Variants in LCP1 observed in about 807,000 individuals in gnomAD.
The protein encoded by LCP1 is lymphocyte cytosolic protein 1.
LCP1 carries 23 observed loss-of-function variants against 72.0 expected under a neutral mutation model. That is an observed-to-expected ratio of 0.32 (90% CI 0.23 to 0.45). The LOEUF (loss-of-function observed/expected upper bound fraction) is 0.45, where lower values mean the gene tolerates loss of function less well. Among genes scored for constraint, LCP1 ranks in the 20% least tolerant of loss-of-function variants. LCP1 has a pLI of 1.00. For missense variants in LCP1, 571 were observed against 748.3 expected, an observed-to-expected ratio of 0.76 and a Z score of 2.76; for synonymous variants, 245 against 275.4, an observed-to-expected ratio of 0.89 and a Z score of 1.09.
intron 7 of LCP1, 96 bp from the exon 8 acceptor site, chr13:46,151,174 G>T: frequency 8.1e-7 from 1 of 1,237,468 alleles, no homozygotes. Context: ...AAAAGCTAAA[G>T]ATAACAACGT....
intron 8 of LCP1, 108 bp from the exon 9 acceptor site, chr13:46,148,555 T>C: frequency 1.4e-6 from 1 of 707,304 alleles, no homozygotes; most frequent in Non-Finnish European, 2.3e-6. Flanking sequence ...TCAGCTATCA[T>C]TCCAGAATGT....
At chr13:46,180,133 G>A (rs990226640) in intron 1 of LCP1, among the ~76,000 whole-genome samples, 1 of 152,100 alleles carries the variant, frequency 6.6e-6, no homozygotes, top group African/African-American at 2.4e-5. Flanking sequence ...AACACACACA[G>A]TCAGTAGGAG....
intron 15 of LCP1, among the ~76,000 whole-genome samples, chr13:46,129,282 T>A (rs1001823862): frequency 6.6e-6 from 1 of 152,168 alleles, no homozygotes; most frequent in African/African-American, 2.4e-5. Flanking sequence ...GGACTTTGAA[T>A]CTCAGCTGCA....
intron 10 of LCP1, among the ~76,000 whole-genome samples, chr13:46,145,332 C>T (rs1007875105): frequency 1.3e-5 from 2 of 152,140 alleles, no homozygotes; most frequent in African/African-American, 4.8e-5. Context: ...GAATTAAACA[C>T]GGCAGAGGAC....
At chr13:46,168,642 G>C (rs1460557341) in intron 1 of LCP1, 5 of 152,200 alleles carry the variant, frequency 3.3e-5, no homozygotes, top group Non-Finnish European at 4.4e-5. Flanking sequence ...CGTTGATCCA[G>C]TTCACTCCTA....
chr13:46,168,966 T>G (rs1360482007), intron 1 of LCP1, among the ~76,000 whole-genome samples: 5 of 152,210 alleles, frequency 3.3e-5, no homozygotes, highest in African/African-American at 1.2e-4. Flanking sequence ...GCCAACTTCC[T>G]TATAGAATGA....
Position 46,159,105 on chromosome 13 carries a change from A to C in LCP1, c.65-116T>G, listed in dbSNP as rs9534343. The C allele has an allele frequency of 1.3e-3, 1,167 of 892,384 alleles. 3 individuals carry two copies. The highest frequency in any genetic ancestry group is 3.0e-3 in the Admixed American group (152 of 51,074). The allele number at this position is 892,384 out of a possible 1,614,324, so 55.3% of individuals were successfully genotyped here. A position where few individuals can be genotyped will look rare whatever the true frequency, so the allele number is the denominator to read the frequency against. ...CGAGAGAGGCTATCATTCAGACATT[A>C]AGGCATGATCCCAGGGAAGAGTCAG... On this transcript the variant is annotated intron_variant, in intron 2 of 15. Coordinates refer to ENST00000323076, the MANE Select transcript of LCP1 (RefSeq NM_002298.5).
rs754053061 is a variant in LCP1, at chr13:46,130,868, T to G, written c.1697A>C (p.Tyr566Ser). ...CAGATTTTCTGTCTTCAGAAGGTCA[T>G]AGTTAATGGAACCTGGTTGGATGGC... Reference protein sequence around the residue: ...IDAIQPGSINYDLLKTENLND... With the variant: ...IDAIQPGSINSDLLKTENLND... The change falls in exon 15 of 16, where the codon TAT becomes TCT. Residue 566 changes from tyrosine (Y) to serine (S), a missense_variant. Coordinates refer to ENST00000323076, the MANE Select transcript of LCP1 (RefSeq NM_002298.5). 3 of 1,613,536 alleles carry G rather than the reference T, an allele frequency of 1.9e-6. No individual in the cohort carries two copies. The highest frequency in any genetic ancestry group is 1.3e-5 in the African/African-American group (1 of 74,894).
intron 1 of LCP1, among the ~76,000 whole-genome samples, chr13:46,163,889 G>A (rs142513273): frequency 6.6e-6 from 1 of 152,314 alleles, no homozygotes; most frequent in East Asian, 1.9e-4. Flanking sequence ...ACATATGCAT[G>A]AATAGAAGGC....
Position 46,146,948 on chromosome 13 carries a change from G to C in LCP1, c.1134C>G (p.His378Gln), listed in dbSNP as rs772535070. The change falls in exon 10 of 16, where the codon CAC becomes CAG. Residue 378 changes from histidine (H) to glutamine (Q), a missense_variant. By Grantham distance (24) the His-to-Gln change is conservative. Transcript: ENST00000323076. ...ANLFNRYPAL[H>Q]KPENQDIDWG... The stretch of plus-strand genomic sequence containing the variant: ...AGTCAATGTCCTGGTTCTCTGGTTT[G>C]TGCAGGGCAGGGTATCTGTTAAAGA... 1.2e-6 allele frequency: 2 copies of C among 1,614,052 alleles called. No individual in the cohort carries two copies. The highest frequency in any genetic ancestry group is 2.7e-5 in the African/African-American group (2 of 74,908).
intron 1 of LCP1, 93 bp from the exon 2 acceptor site, chr13:46,159,779 A>T: frequency 1.4e-6 from 1 of 735,978 alleles, no homozygotes. Flanking sequence ...TACATGAAGA[A>T]ATATTCTTCT....
At chr13:46,156,648 A>T in intron 4 of LCP1, 78 bp from the exon 5 acceptor site, 1 of 1,463,858 alleles carries the variant, frequency 6.8e-7, no homozygotes, top group Non-Finnish European at 9.6e-7. Flanking sequence ...TGGATCTTAA[A>T]TTCTCATTCC....
intron 6 of LCP1, among the ~76,000 whole-genome samples, chr13:46,154,209 A>G (rs2045786604): frequency 6.6e-6 from 1 of 152,234 alleles, no homozygotes; most frequent in Non-Finnish European, 1.5e-5. Flanking sequence ...TTTAAAGTAC[A>G]CAAGGTTGCT....
chr13:46,175,030 A>G (rs888063708), intron 1 of LCP1, among the ~76,000 whole-genome samples: 4 of 152,098 alleles, frequency 2.6e-5, no homozygotes, highest in African/African-American at 9.7e-5. Flanking sequence ...AGAGAGAGGA[A>G]AGGTGTGAAT....
intron 1 of LCP1, among the ~76,000 whole-genome samples, chr13:46,171,768 A>C (rs2045905820): frequency 6.6e-6 from 1 of 152,274 alleles, no homozygotes. Flanking sequence ...ACAGGAGCAC[A>C]GAGAATGAAG....
intron 13 of LCP1, among the ~76,000 whole-genome samples, chr13:46,137,778 GCT>G (rs2045673687): frequency 6.6e-6 from 1 of 152,170 alleles, no homozygotes; most frequent in Non-Finnish European, 1.5e-5. Context: ...GTGCTGAAAA[GCT>G]CTTTGTCAAA....
intron 13 of LCP1, among the ~76,000 whole-genome samples, chr13:46,138,238 C>A (rs1277665041): frequency 7.2e-6 from 1 of 138,260 alleles, no homozygotes; most frequent in Non-Finnish European, 1.6e-5. Context: ...AATGACAAGC[C>A]ATTTATTGTC....
intron 1 of LCP1, among the ~76,000 whole-genome samples, chr13:46,173,930 AAAG>A (rs531871393): frequency 3.6e-4 from 55 of 152,352 alleles, no homozygotes; most frequent in African/African-American, 7.2e-4. Context: ...CATGAAAAGA[AAAG>A]AGATCTCTGG....
chr13:46,166,958 A>C (rs1191297701), intron 1 of LCP1, among the ~76,000 whole-genome samples: 1 of 152,226 alleles, frequency 6.6e-6, no homozygotes, highest in African/African-American at 2.4e-5. Flanking sequence ...TGTTTTTAAG[A>C]AACCAAATAA....
Sources: allele counts gnomAD v4.1 joint callset (sites outside exome capture counted in the v4.1 genomes callset), GRCh38; gene constraint gnomAD v4.1.1; transcripts MANE v1.5; gene names NCBI Gene and HGNC (gene_info 2026-07-23, HGNC 2026-07-21).